GLTP: variants seen among roughly 807,000 people sequenced by gnomAD.
GLTP encodes the protein glycolipid transfer protein.
GLTP carries 22 observed loss-of-function variants against 24.0 expected under a neutral mutation model. That is an observed-to-expected ratio of 0.92 (90% CI 0.65 to 1.31). The LOEUF is 1.31. Among genes scored for constraint, GLTP ranks in the 50% most tolerant of loss-of-function variants. GLTP has a pLI of 0.00. For missense variants in GLTP, 224 were observed against 276.6 expected, an observed-to-expected ratio of 0.81 and a Z score of 1.35; for synonymous variants, 92 against 115.9, an observed-to-expected ratio of 0.79 and a Z score of 1.33.
intron 1 of GLTP, among the ~76,000 whole-genome samples, chr12:109,879,399 G>T (rs1270297864): frequency 1.3e-5 from 2 of 152,182 alleles, no homozygotes; most frequent in Admixed American, 6.5e-5. Flanking sequence ...TCCATCTGGG[G>T]CCTTGGCTGG....
rs777746270 is a variant in GLTP, at chr12:109,880,405, G to A, written c.-31C>T. 19 of 1,230,122 alleles carry A rather than the reference G, an allele frequency of 1.5e-5. No homozygotes were observed. Among genetic ancestry groups the A allele is most frequent in the Admixed American group, 1.1e-4 (4 of 35,898 alleles). 76.2% of individuals were successfully genotyped at this position (1,230,122 alleles called of 1,614,324 possible). On this transcript the variant is annotated 5_prime_UTR_variant, in exon 1 of 5. Transcript: ENST00000318348. This position sits in a 1 kb window ranked among gnomAD's most constrained non-coding sequence, Gnocchi z 5.1. ...GGTCGAGGCCCGCGGTGATGCCCCAGCCGGCGCCGCGGGCGTCGACACCGC... is the reference window on the plus strand; with the variant it reads ...GGTCGAGGCCCGCGGTGATGCCCCAACCGGCGCCGCGGGCGTCGACACCGC...
chr12:109,875,109 T>A (rs1386648716), intron 1 of GLTP, among the ~76,000 whole-genome samples: 1 of 152,098 alleles, frequency 6.6e-6, no homozygotes, highest in African/African-American at 2.4e-5. Flanking sequence ...CCCAGCATCT[T>A]CAACAAGAAC....
Position 109,866,759 on chromosome 12 carries a change from C to G in GLTP, c.104-8018G>C, listed in dbSNP as rs199850973. 3.8e-5 allele frequency among the ~76,000 whole-genome samples: 5 copies of G among 129,900 alleles called. No homozygotes were observed. In the East Asian group the frequency reaches 1.1e-3, roughly 28 times the overall value. The allele number at this position is 129,900 out of a possible 152,430, so 85.2% of individuals were successfully genotyped here. A position where few individuals can be genotyped will look rare whatever the true frequency, so the allele number is the denominator to read the frequency against. ...AGGACAACTAGACAGCTTTGTGTAT[C>G]TTTTTTTTTTTTTTTTTTGAGACAG... On this transcript the variant is annotated intron_variant, in intron 1 of 4. Transcript: ENST00000318348.
chr12:109,878,293 G>T (rs950610522), intron 1 of GLTP, among the ~76,000 whole-genome samples: 3 of 152,192 alleles, frequency 2.0e-5, no homozygotes, highest in Admixed American at 2.0e-4. Flanking sequence ...AAGCCACAGA[G>T]TTTAACCTGG....
At chr12:109,858,383 A>G (rs1325633617) in intron 2 of GLTP, among the ~76,000 whole-genome samples, 1 of 152,190 alleles carries the variant, frequency 6.6e-6, no homozygotes, top group Non-Finnish European at 1.5e-5. Flanking sequence ...CTGACTGTAG[A>G]CTTTGGAGCT....
In GLTP at chr12:109,862,602, G is replaced by C. The variant is rs534228567; in HGVS notation, c.104-3861C>G. 1.7e-3 allele frequency among the ~76,000 whole-genome samples: 262 copies of C among 152,208 alleles called. 1 individual carries two copies. The highest frequency in any genetic ancestry group is 6.8e-3 in the Middle Eastern group (2 of 294). On this transcript the variant is annotated intron_variant, in intron 1 of 4. Transcript: ENST00000318348. ...TCCTCATCTTCCCAAAATGTATAAT[G>C]AGCTGGACGTGGTGGCATGTAACTG...
At chr12:109,877,283 A>G (rs1868918341) in intron 1 of GLTP, among the ~76,000 whole-genome samples, 1 of 152,376 alleles carries the variant, frequency 6.6e-6, no homozygotes, top group South Asian at 2.1e-4. Context: ...ACTAATCTAC[A>G]TAGAGTACTT....
intron 1 of GLTP, among the ~76,000 whole-genome samples, chr12:109,879,077 A>G (rs1398743863): frequency 6.6e-6 from 1 of 152,180 alleles, no homozygotes; most frequent in Admixed American, 6.5e-5. Flanking sequence ...ACTGAGGCTC[A>G]CGAGGTGAAG....
intron 1 of GLTP, among the ~76,000 whole-genome samples, chr12:109,868,953 C>T (rs760522859): frequency 1.3e-4 from 20 of 152,114 alleles, no homozygotes; most frequent in Non-Finnish European, 2.6e-4. Flanking sequence ...TCTGAGTCTA[C>T]TACCTAAAGA....
intron 1 of GLTP, among the ~76,000 whole-genome samples, chr12:109,878,249 G>A (rs973078068): frequency 1.3e-5 from 2 of 152,114 alleles, no homozygotes; most frequent in Non-Finnish European, 1.5e-5. Context: ...AATACAGAAC[G>A]GATGTGCAAC....
At chr12:109,856,753 T>C (rs1892802017) in intron 3 of GLTP, among the ~76,000 whole-genome samples, 2 of 152,190 alleles carry the variant, frequency 1.3e-5, no homozygotes, top group South Asian at 4.1e-4. Flanking sequence ...AGGATGTATT[T>C]GTGCAAATTA....
At chr12:109,852,773 T>C in intron 4 of GLTP, 36 bp from the exon 5 acceptor site, 1 of 1,466,796 alleles carries the variant, frequency 6.8e-7, no homozygotes, top group Non-Finnish European at 9.5e-7. Flanking sequence ...GGCACAGCGT[T>C]AGCGGGGGCT....
At chr12:109,862,932 A>G (rs934020188) in intron 1 of GLTP, among the ~76,000 whole-genome samples, 1 of 151,820 alleles carries the variant, frequency 6.6e-6, no homozygotes, top group Admixed American at 6.6e-5. Context: ...CATGTCTGTA[A>G]TCCCAGCTAC....
chr12:109,858,592 G>T, intron 2 of GLTP, 91 bp downstream of exon 2: 1 of 913,864 alleles, frequency 1.1e-6, no homozygotes. Context: ...GGGGTGGGAA[G>T]CTTGCAGCTG....
chr12:109,853,897 C>T (rs1470325583), intron 4 of GLTP, among the ~76,000 whole-genome samples: 2 of 151,148 alleles, frequency 1.3e-5, no homozygotes, highest in African/African-American at 4.8e-5. Context: ...TGCCCGCCAC[C>T]ATGCCCAGCT....
rs534561199 is a variant in GLTP, at chr12:109,855,413, G to A, written c.447+206C>T. ...CCGTGGAGTAGCTACAGTGACACCC[G>A]CTGCAGCTGTGAATGGGGCTGGCCA... On this transcript the variant is annotated intron_variant, in intron 4 of 4. Transcript: ENST00000318348. The surrounding 1 kb of genome is among the most constrained non-coding windows in gnomAD (Gnocchi z 4.1). Among the ~76,000 whole-genome samples the A allele has an allele frequency of 6.2e-4, 94 of 152,148 alleles. No individual in the cohort carries two copies. The highest frequency in any genetic ancestry group is 1.2e-3 in the Non-Finnish European group (84 of 68,026).
chr12:109,859,129 A>T (rs930566760), intron 1 of GLTP, among the ~76,000 whole-genome samples: 11 of 152,168 alleles, frequency 7.2e-5, no homozygotes, highest in African/African-American at 1.9e-4. Context: ...ATAATAGCTG[A>T]CCACAGCCTC....
chr12:109,856,411 C>T (rs1227027594), intron 3 of GLTP, among the ~76,000 whole-genome samples: 2 of 152,214 alleles, frequency 1.3e-5, no homozygotes, highest in Non-Finnish European at 2.9e-5. Flanking sequence ...CCCCTTAGCA[C>T]ACATCATCTC....
chr12:109,871,284 AC>A (rs1392198084), intron 1 of GLTP, among the ~76,000 whole-genome samples: 5 of 151,536 alleles, frequency 3.3e-5, no homozygotes, highest in Non-Finnish European at 7.4e-5. Flanking sequence ...ACAGGGTTTT[AC>A]CATGTTGGCC....
Sources: gnomAD v4.1 joint callset for allele counts (sites outside exome capture counted in the v4.1 genomes callset) on GRCh38, gnomAD v4.1.1 for gene constraint, Gnocchi (gnomAD v3.1) non-coding constraint, MANE v1.5 for transcripts, NCBI Gene and HGNC (gene_info 2026-07-23, HGNC 2026-07-21) for gene names.